KAZN: variants seen among roughly 807,000 people sequenced by gnomAD.
KAZN encodes kazrin.
Under a neutral mutation model 87.4 loss-of-function variants are expected in KAZN, and 40 were observed. That is an observed-to-expected ratio of 0.46 (90% CI 0.36 to 0.60). The LOEUF is 0.60. KAZN is among the 20% of genes least tolerant of loss of function. The pLI, the probability that KAZN is intolerant of heterozygous loss-of-function variation, is 0.00. For synonymous variants in KAZN, 466 were observed against 458.3 expected (o/e 1.02, Z -0.22); for missense variants, 898 against 1,073.9 (o/e 0.84, Z 2.29).
chr1:14,492,079 A>C (rs941609924), intron 2 of KAZN, among the ~76,000 whole-genome samples: 1 of 152,204 alleles, frequency 6.6e-6, no homozygotes, highest in African/African-American at 2.4e-5. Context: ...ATTCAAACCC[A>C]GTCTGAACTG....
At chr1:14,912,874 G>A (rs1490075481) in intron 1 of KAZN, among the ~76,000 whole-genome samples, 1 of 152,066 alleles carries the variant, frequency 6.6e-6, no homozygotes, top group Admixed American at 6.5e-5. Flanking sequence ...TTTTACCCTC[G>A]GTTTACTCCG....
intron 2 of KAZN, among the ~76,000 whole-genome samples, chr1:14,381,032 C>T (rs1661320994): frequency 6.6e-6 from 1 of 152,164 alleles, no homozygotes; most frequent in Admixed American, 6.5e-5. Flanking sequence ...CTTCCCTCCC[C>T]TTCTGAGGCA....
At chr1:14,916,912 CAA>C (rs34571740) in intron 1 of KAZN, among the ~76,000 whole-genome samples, 45 of 141,856 alleles carry the variant, frequency 3.2e-4, no homozygotes, top group Middle Eastern at 3.7e-3. Context: ...GACCTTGTCT[CAA>C]AAAAAAAAAA....
chr1:13,981,951 A>G (rs17351137), intron 1 of KAZN, among the ~76,000 whole-genome samples: 86,766 of 152,088 alleles, frequency 0.57, 24,925 homozygotes, highest in Admixed American at 0.66. Flanking sequence ...TGACCTGGTC[A>G]GGGAAAGCCA....
chr1:14,172,194 G>A (rs984887440), intron 1 of KAZN, among the ~76,000 whole-genome samples: 1 of 152,156 alleles, frequency 6.6e-6, no homozygotes, highest in Non-Finnish European at 1.5e-5. Context: ...CTAAACTCAG[G>A]TAGGTAAGAA....
At chr1:15,114,301 CCCCTCAACCT>C in intron 14 of KAZN, 160 bp from the exon 15 acceptor site, 2 of 603,066 alleles carry the variant, frequency 3.3e-6, no homozygotes, top group South Asian at 2.2e-5. Flanking sequence ...TTCACAAACT[CCCCTCAACCT>C]CCCTGAGCAG....
chr1:14,550,738 T>TCTCTCTC (rs1329797253), intron 2 of KAZN, among the ~76,000 whole-genome samples: 1 of 37,982 alleles, frequency 2.6e-5, no homozygotes, highest in African/African-American at 9.8e-5. Context: ...TCTCTCTCTC[T>TCTCTCTC]CCCCCACCCC....
intron 1 of KAZN, among the ~76,000 whole-genome samples, chr1:13,944,759 A>G (rs966045865): frequency 2.0e-5 from 3 of 152,190 alleles, no homozygotes; most frequent in Non-Finnish European, 2.9e-5. Context: ...CTAGAGGGAT[A>G]ATTGTAATTA....
intron 1 of KAZN, among the ~76,000 whole-genome samples, chr1:14,094,455 G>GA (rs1185055957): frequency 1.3e-5 from 2 of 152,062 alleles, no homozygotes; most frequent in South Asian, 2.1e-4. Context: ...AAAGCCTAGG[G>GA]AAAAATGCCT....
At chr1:14,622,263 G>T (rs1678754052) in intron 1 of KAZN, among the ~76,000 whole-genome samples, 1 of 152,174 alleles carries the variant, frequency 6.6e-6, no homozygotes, top group South Asian at 2.1e-4. Context: ...AGAGTGCATT[G>T]ATCAATTCTA....
At chr1:14,583,668 A>C (rs1296064210) in intron 2 of KAZN, among the ~76,000 whole-genome samples, 2 of 152,236 alleles carry the variant, frequency 1.3e-5, no homozygotes, top group East Asian at 3.9e-4. Flanking sequence ...ATAGCTGGTG[A>C]GGGGGCAGCT....
At chr1:14,976,382 G>A (rs569825266) in intron 2 of KAZN, among the ~76,000 whole-genome samples, 2 of 152,170 alleles carry the variant, frequency 1.3e-5, no homozygotes, top group Admixed American at 6.5e-5. Flanking sequence ...AAGAAGGACC[G>A]CAGGACTTAG....
intron 2 of KAZN, among the ~76,000 whole-genome samples, chr1:14,544,027 C>T (rs907445549): frequency 1.3e-5 from 2 of 152,096 alleles, no homozygotes; most frequent in African/African-American, 4.8e-5. Flanking sequence ...TTTATGACTT[C>T]GTGAAATGCA....
intron 1 of KAZN, among the ~76,000 whole-genome samples, chr1:13,949,487 A>C (rs1400947347): frequency 6.6e-6 from 1 of 152,148 alleles, no homozygotes; most frequent in Non-Finnish European, 1.5e-5. Context: ...TCAGATATTT[A>C]ATAACCTCTG....
At chr1:14,085,271 T>C (rs988410883) in intron 1 of KAZN, among the ~76,000 whole-genome samples, 3 of 152,256 alleles carry the variant, frequency 2.0e-5, no homozygotes, top group Non-Finnish European at 4.4e-5. Context: ...GTCAGTTTTA[T>C]TGGGGCATAA....
At chr1:14,185,096 T>A (rs1158827021) in intron 2 of KAZN, among the ~76,000 whole-genome samples, 1 of 152,104 alleles carries the variant, frequency 6.6e-6, no homozygotes, top group Non-Finnish European at 1.5e-5. Context: ...AACTGAGACA[T>A]CAGAAGGATC....
intron 1 of KAZN, among the ~76,000 whole-genome samples, chr1:14,770,742 G>A (rs913327921): frequency 6.6e-6 from 1 of 152,140 alleles, no homozygotes; most frequent in South Asian, 2.1e-4. Context: ...GTCAAAGTTA[G>A]GAAATTGAAT....
At chr1:14,860,108 T>TTTCC (rs1021083678) in intron 1 of KAZN, among the ~76,000 whole-genome samples, 2 of 151,912 alleles carry the variant, frequency 1.3e-5, no homozygotes, top group Non-Finnish European at 2.9e-5. Context: ...AATAGGCCTT[T>TTTCC]TTCCTTCCTT....
chr1:14,658,989 A>G (rs1413210763), intron 1 of KAZN, among the ~76,000 whole-genome samples: 2 of 152,232 alleles, frequency 1.3e-5, no homozygotes, highest in African/African-American at 2.4e-5. Context: ...CTGTAATCTC[A>G]GCACTTCAAG....
Sources: gnomAD v4.1 joint callset for allele counts (sites outside exome capture counted in the v4.1 genomes callset) on GRCh38, gnomAD v4.1.1 for gene constraint, MANE v1.5 for transcripts, NCBI Gene and HGNC (gene_info 2026-07-23, HGNC 2026-07-21) for gene names.